Variants in EBF3 observed in about 807,000 individuals in gnomAD.
EBF3 encodes the protein transcription factor COE3.
In EBF3, 18 loss-of-function variants were observed where a neutral mutation model predicts 77.1. The observed-to-expected ratio is 0.23, with a 90% CI of 0.16 to 0.35. The LOEUF (loss-of-function observed/expected upper bound fraction) is 0.35. EBF3 is among the 10% of genes least tolerant of loss of function. EBF3 has a pLI of 1.00. For missense variants in EBF3, 558 were observed against 860.0 expected (o/e 0.65, Z 4.39); for synonymous variants, 350 against 343.5 (o/e 1.02, Z -0.21).
In EBF3 at chr10:129,953,831, G is replaced by A. The variant is rs920470737; in HGVS notation, c.554+3427C>T. On this transcript the variant is annotated intron_variant, in intron 6 of 16. Transcript: ENST00000440978. Reference sequence around the variant, plus strand: ...TCCAGAGCTCCTTGGGAAACAGACCGGGATGGCACGAGCAAGTGATGGGAG... The same window carrying A: ...TCCAGAGCTCCTTGGGAAACAGACCAGGATGGCACGAGCAAGTGATGGGAG... Among the ~76,000 whole-genome samples, 5 of 152,220 alleles carry A rather than the reference G, an allele frequency of 3.3e-5. No homozygotes were observed. The East Asian group carries it at 5.8e-4, about 18-fold the overall frequency.
At position 129,879,880 on chromosome 10, in the gene EBF3, G is replaced by A. The variant is rs755109142; in HGVS notation, c.555-2031C>T. Among the ~76,000 whole-genome samples, 1 of 152,140 alleles carries A rather than the reference G, an allele frequency of 6.6e-6. No homozygotes were observed. The highest frequency in any genetic ancestry group is 1.5e-5 in the Non-Finnish European group (1 of 68,016). ...CAGGCAATTAGGTTTTCACTTCGGG[G>A]ACAGCAACACGGTGCAATTACACCA... On this transcript the variant is annotated intron_variant, in intron 6 of 16. Transcript: ENST00000440978. The surrounding 1 kb of genome is among the most constrained non-coding windows in gnomAD (Gnocchi z 4.7).
At chr10:129,934,952 A>C (rs1425779946) in intron 6 of EBF3, among the ~76,000 whole-genome samples, 2 of 152,206 alleles carry the variant, frequency 1.3e-5, no homozygotes, top group Non-Finnish European at 2.9e-5. Context: ...GGTCTGGATC[A>C]GGAAGATGGT....
chr10:129,946,743 G>C (rs1858256365), intron 6 of EBF3, among the ~76,000 whole-genome samples: 1 of 152,222 alleles, frequency 6.6e-6, no homozygotes, highest in Non-Finnish European at 1.5e-5. Context: ...GGAAAGGGCA[G>C]AGTCTATTTT....
At chr10:129,874,935 C>G (rs903784454) in intron 7 of EBF3, among the ~76,000 whole-genome samples, 6 of 151,632 alleles carry the variant, frequency 4.0e-5, no homozygotes, top group Non-Finnish European at 7.4e-5. Context: ...GAGGGGCGCA[C>G]GGGGGTACAC....
chr10:129,861,517 A>G lies in EBF3; in HGVS notation c.1039+5624T>C, dbSNP rs1226945518. 1.3e-5 allele frequency among the ~76,000 whole-genome samples: 2 copies of G among 148,500 alleles called. No individual in the cohort carries two copies. On this transcript the variant is annotated intron_variant, in intron 10 of 16. Coordinates refer to ENST00000440978, the MANE Select transcript of EBF3 (RefSeq NM_001375380.1). The surrounding 1 kb of genome is among the most constrained non-coding windows in gnomAD (Gnocchi z 4.3). ...TCTGATAGAACCAACCTGATAGAAAAGCAAAGGTGCCTGGAGGGTGTCTAT... is the reference window on the plus strand; with the variant it reads ...TCTGATAGAACCAACCTGATAGAAAGGCAAAGGTGCCTGGAGGGTGTCTAT...
chr10:129,906,746 C>T (rs1356405056), intron 6 of EBF3, among the ~76,000 whole-genome samples: 1 of 151,814 alleles, frequency 6.6e-6, no homozygotes, highest in Non-Finnish European at 1.5e-5. Context: ...CTGTCATAGT[C>T]AATAGAAGCT....
chr10:129,949,127 T>C (rs1299022833), intron 6 of EBF3, among the ~76,000 whole-genome samples: 1 of 152,038 alleles, frequency 6.6e-6, no homozygotes, highest in Non-Finnish European at 1.5e-5. Flanking sequence ...GGAGAAACCC[T>C]GTCTCTACTA....
In EBF3 at chr10:129,837,854, G is replaced by A. The variant is rs573027619; in HGVS notation, c.*89C>T. 6.4e-7 allele frequency: 1 copy of A among 1,564,270 alleles called. No homozygotes were observed. Among genetic ancestry groups the A allele is most frequent in the Admixed American group, 1.7e-5 (1 of 59,184 alleles). On this transcript the variant is annotated 3_prime_UTR_variant, in exon 17 of 17. Coordinates refer to ENST00000440978, the MANE Select transcript of EBF3 (RefSeq NM_001375380.1). ...TTGAAGATACTGTTTCCATCAGCATGTCTTAATATACTAAACGTGTCCCCT... is the reference window on the plus strand; with the variant it reads ...TTGAAGATACTGTTTCCATCAGCATATCTTAATATACTAAACGTGTCCCCT...
intron 6 of EBF3, among the ~76,000 whole-genome samples, chr10:129,923,624 C>G (rs570701559): frequency 6.6e-6 from 1 of 152,126 alleles, no homozygotes; most frequent in Non-Finnish European, 1.5e-5. Context: ...ACATATATAA[C>G]AACATATACA....
At chr10:129,892,810 C>G (rs1208931183) in intron 6 of EBF3, among the ~76,000 whole-genome samples, 1 of 152,252 alleles carries the variant, frequency 6.6e-6, no homozygotes, top group Non-Finnish European at 1.5e-5. Flanking sequence ...CGAGGCATAA[C>G]AAGCCAGCTT....
intron 6 of EBF3, among the ~76,000 whole-genome samples, chr10:129,890,094 A>G (rs1296739392): frequency 6.6e-6 from 1 of 152,008 alleles, no homozygotes; most frequent in Non-Finnish European, 1.5e-5. Context: ...TTGGAGACAC[A>G]GCTGTGGGTC....
intron 6 of EBF3, among the ~76,000 whole-genome samples, chr10:129,951,884 T>A (rs1168508378): frequency 1.3e-5 from 2 of 152,260 alleles, no homozygotes; most frequent in East Asian, 1.9e-4. Context: ...TCCTTTTCTG[T>A]TTATTTTCAG....
At chr10:129,866,112 C>A (rs1851996821) in intron 10 of EBF3, among the ~76,000 whole-genome samples, 1 of 152,168 alleles carries the variant, frequency 6.6e-6, no homozygotes. Flanking sequence ...TGCAAACATG[C>A]CTTAAGTTGA....
At chr10:129,846,427 C>T (rs1424374936) in intron 11 of EBF3, among the ~76,000 whole-genome samples, 1 of 151,876 alleles carries the variant, frequency 6.6e-6, no homozygotes, top group Non-Finnish European at 1.5e-5. Flanking sequence ...GAGGGGGCAG[C>T]ACTCCTCGGC....
At chr10:129,867,753 C>G (rs749121858) in intron 9 of EBF3, 29 bp downstream of exon 9, 1 of 1,612,420 alleles carries the variant, frequency 6.2e-7, no homozygotes, top group East Asian at 2.2e-5. Flanking sequence ...ACAGCAACAG[C>G]GCGAAGCTGA....
chr10:129,960,103 A>C (rs1384201469), intron 4 of EBF3, among the ~76,000 whole-genome samples: 9 of 151,722 alleles, frequency 5.9e-5, no homozygotes, highest in Non-Finnish European at 1.0e-4. Context: ...CCTCGCGAAA[A>C]AACAGAAAAG....
rs1850598079 is a variant in EBF3 at position 129,848,062 on chromosome 10, A to G, written c.1128+330T>C. Among the ~76,000 whole-genome samples the G allele has an allele frequency of 6.6e-6, 1 of 152,244 alleles. No individual in the cohort carries two copies. The highest frequency in any genetic ancestry group is 6.5e-5 in the Admixed American group (1 of 15,288). On this transcript the variant is annotated intron_variant, in intron 11 of 16. Coordinates refer to ENST00000440978, the MANE Select transcript of EBF3 (RefSeq NM_001375380.1). The surrounding 1 kb of genome is among the most constrained non-coding windows in gnomAD (Gnocchi z 4.4). The stretch of plus-strand genomic sequence containing the variant: ...ACTGGAGTGGAAAATGTTTAATTGA[A>G]CTATTTCATTACGCGGAAGTTTATG...
Position 129,861,389 on chromosome 10 carries a change from C to A in EBF3, c.1039+5752G>T, listed in dbSNP as rs936323185. Among the ~76,000 whole-genome samples, 2 of 152,216 alleles carry A rather than the reference C, an allele frequency of 1.3e-5. No homozygotes were observed. Among genetic ancestry groups the A allele is most frequent in the African/African-American group, 4.8e-5 (2 of 41,456 alleles). On this transcript the variant is annotated intron_variant, in intron 10 of 16. Transcript: ENST00000440978. This position sits in a 1 kb window ranked among gnomAD's most constrained non-coding sequence, Gnocchi z 4.3. ...CAAAGGACAAAAACTAAAGTGGCGT[C>A]AGGAGAAGTTGTGTTGTTGGAGTCA... is the stretch of plus-strand genomic sequence containing the variant.
chr10:129,908,995 GA>G (rs1196849608), intron 6 of EBF3, among the ~76,000 whole-genome samples: 2 of 152,180 alleles, frequency 1.3e-5, no homozygotes, highest in Non-Finnish European at 2.9e-5. Context: ...TAACAATGTG[GA>G]CTTTACCTGC....
Sources: gnomAD v4.1 joint callset for allele counts (sites outside exome capture counted in the v4.1 genomes callset) on GRCh38, gnomAD v4.1.1 for gene constraint, Gnocchi (gnomAD v3.1) non-coding constraint, MANE v1.5 for transcripts, NCBI Gene and HGNC (gene_info 2026-07-23, HGNC 2026-07-21) for gene names.